CSMD3: variants seen among roughly 807,000 people sequenced by gnomAD.
The protein encoded by CSMD3 is CUB and sushi domain-containing protein 3.
Under a neutral mutation model 435.2 loss-of-function variants are expected in CSMD3, and 177 were observed. The ratio of observed to expected loss-of-function variants is 0.41; its 90% CI spans 0.36 to 0.46. The LOEUF is 0.46. CSMD3 is among the 20% of genes least tolerant of loss of function. The pLI is 0.34. For missense variants in CSMD3, 4,265 were observed against 4,504.6 expected (o/e 0.95, Z 1.52); for synonymous variants, 1,656 against 1,520.5 (o/e 1.09, Z -2.07).
rs149082822 is a variant in CSMD3 at position 112,590,241 on chromosome 8, C to T, written c.3716-3006G>A. The stretch of plus-strand genomic sequence containing the variant: ...ACTTTCCAGTGGAAAGGATGGATGT[C>T]TATCATACAATCACTCAAATAAAAA... On this transcript the variant is annotated intron_variant, in intron 22 of 70. Coordinates refer to ENST00000297405, the MANE Select transcript of CSMD3 (RefSeq NM_198123.2). Among the ~76,000 whole-genome samples the T allele has an allele frequency of 1.7e-3, 262 of 152,088 alleles. 3 individuals are homozygous for T. The highest frequency in any genetic ancestry group is 6.0e-3 in the African/African-American group (250 of 41,510).
At chr8:113,364,133 A>C (rs576932326) in intron 1 of CSMD3, among the ~76,000 whole-genome samples, 114 of 152,126 alleles carry the variant, frequency 7.5e-4, no homozygotes, top group Non-Finnish European at 1.3e-3. Context: ...ATGTGTTTTT[A>C]TGACTATAAT....
At chr8:113,177,609 G>A (rs1046681612) in intron 3 of CSMD3, among the ~76,000 whole-genome samples, 1 of 151,922 alleles carries the variant, frequency 6.6e-6, no homozygotes, top group South Asian at 2.1e-4. Flanking sequence ...CAATATTCTT[G>A]GTTGAGCACT....
intron 6 of CSMD3, among the ~76,000 whole-genome samples, chr8:112,986,934 T>C (rs1053197896): frequency 6.6e-6 from 1 of 152,062 alleles, no homozygotes; most frequent in African/African-American, 2.4e-5. Flanking sequence ...GATATAAATA[T>C]AGATAGTTTC....
At chr8:113,142,041 A>G (rs185317121) in intron 4 of CSMD3, among the ~76,000 whole-genome samples, 1 of 151,288 alleles carries the variant, frequency 6.6e-6, no homozygotes, top group Admixed American at 6.6e-5. Context: ...AATAGGTTGA[A>G]ATACTTAGGT....
At chr8:112,378,540 G>A (rs1426787488) in intron 38 of CSMD3, among the ~76,000 whole-genome samples, 4 of 152,094 alleles carry the variant, frequency 2.6e-5, no homozygotes, top group South Asian at 2.1e-4. Context: ...AGGATGTTAC[G>A]TTAAGTGAAA....
At chr8:112,241,013 C>G (rs1260894216) in intron 66 of CSMD3, among the ~76,000 whole-genome samples, 1 of 152,010 alleles carries the variant, frequency 6.6e-6, no homozygotes, top group Non-Finnish European at 1.5e-5. Flanking sequence ...ATTGCCTAGT[C>G]TTGGGTATAT....
chr8:112,526,424 C>T (rs973686973), intron 27 of CSMD3, among the ~76,000 whole-genome samples: 3 of 151,742 alleles, frequency 2.0e-5, no homozygotes, highest in African/African-American at 7.3e-5. Flanking sequence ...ACAACCACAC[C>T]CACAACCCAC....
chr8:112,767,918 C>T (rs2078019402), intron 13 of CSMD3, among the ~76,000 whole-genome samples: 1 of 151,566 alleles, frequency 6.6e-6, no homozygotes, highest in Non-Finnish European at 1.5e-5. Context: ...AAGTAGTTTC[C>T]AAGTCTGGCT....
At chr8:112,408,514 C>T in intron 33 of CSMD3, 101 bp from the exon 34 acceptor site, 1 of 820,130 alleles carries the variant, frequency 1.2e-6, no homozygotes, top group Non-Finnish European at 2.1e-6. Flanking sequence ...AAATGTCAAT[C>T]TATGTTCTAT....
At chr8:113,056,790 G>T (rs937214738) in intron 5 of CSMD3, among the ~76,000 whole-genome samples, 2 of 152,040 alleles carry the variant, frequency 1.3e-5, no homozygotes, top group Non-Finnish European at 2.9e-5. Context: ...TCTACAAATT[G>T]GTCTTCAGCC....
At chr8:113,000,571 A>G in intron 6 of CSMD3, among the ~76,000 whole-genome samples, 1 of 152,100 alleles carries the variant, frequency 6.6e-6, no homozygotes, top group South Asian at 2.1e-4. Flanking sequence ...ATAATGTTGT[A>G]CACAGTAAAT....
At chr8:112,470,815 A>T (rs910510339) in intron 32 of CSMD3, among the ~76,000 whole-genome samples, 5 of 152,120 alleles carry the variant, frequency 3.3e-5, no homozygotes, top group Non-Finnish European at 5.9e-5. Flanking sequence ...TATGTAACTT[A>T]AAATGAAGAA....
chr8:112,320,620 C>T (rs1164759896), intron 45 of CSMD3, among the ~76,000 whole-genome samples: 1 of 151,028 alleles, frequency 6.6e-6, no homozygotes, highest in African/African-American at 2.4e-5. Flanking sequence ...GGTATATCTC[C>T]GAATGCTATC....
intron 12 of CSMD3, among the ~76,000 whole-genome samples, chr8:112,821,075 CTG>C (rs1250622664): frequency 6.6e-6 from 1 of 152,088 alleles, no homozygotes; most frequent in African/African-American, 2.4e-5. Flanking sequence ...TGGGTTGGTT[CTG>C]TGTCTTTGCT....
At position 112,318,822 on chromosome 8, in the gene CSMD3, G is replaced by A. The variant is rs371658283; in HGVS notation, c.7360+15C>T. On this transcript the variant is annotated intron_variant, in intron 47 of 70. Transcript: ENST00000297405. The stretch of plus-strand genomic sequence containing the variant: ...AATATTTAAGAAATAAATAATCATA[G>A]GAACCATTGAATACCTTGACAAACT... 1.1e-5 allele frequency: 17 copies of A among 1,517,868 alleles called. No homozygotes were observed. In the African/African-American group the frequency reaches 1.9e-4, roughly 17 times the overall value. 94.0% of individuals were successfully genotyped at this position (1,517,868 alleles called of 1,614,324 possible).
At chr8:112,602,184 A>G (rs1832409646) in intron 22 of CSMD3, among the ~76,000 whole-genome samples, 1 of 152,250 alleles carries the variant, frequency 6.6e-6, no homozygotes, top group Non-Finnish European at 1.5e-5. Context: ...CCAATGTTAT[A>G]GCAAACAAAA....
chr8:113,312,660 T>G (rs1395154642), intron 2 of CSMD3: 1 of 152,160 alleles, frequency 6.6e-6, no homozygotes, highest in African/African-American at 2.4e-5. Context: ...CAGGTAATAT[T>G]GAAAGAAGTA....
At chr8:113,032,093 T>G (rs150152244) in intron 5 of CSMD3, among the ~76,000 whole-genome samples, 1 of 151,672 alleles carries the variant, frequency 6.6e-6, no homozygotes, top group East Asian at 1.9e-4. Flanking sequence ...GTTAATAAAT[T>G]ACCCATTCTC....
At chr8:112,922,384 T>C (rs1187348025) in intron 9 of CSMD3, among the ~76,000 whole-genome samples, 2 of 152,022 alleles carry the variant, frequency 1.3e-5, no homozygotes, top group Non-Finnish European at 2.9e-5. Context: ...TACATTCTTT[T>C]GGTTATTTTG....
Sources: gnomAD v4.1 joint callset for allele counts (sites outside exome capture counted in the v4.1 genomes callset) on GRCh38, gnomAD v4.1.1 for gene constraint, MANE v1.5 for transcripts, NCBI Gene and HGNC (gene_info 2026-07-23, HGNC 2026-07-21) for gene names.